The following ETHE1 variants were observed in gnomAD, a reference collection of about 807,000 sequenced individuals.
ETHE1 encodes the protein ETHE1 persulfide dioxygenase, also known as persulfide dioxygenase ETHE1, mitochondrial.
In ETHE1, 16 loss-of-function variants were observed where a neutral mutation model predicts 25.7. The observed-to-expected ratio is 0.62, with a 90% CI of 0.42 to 0.95. The LOEUF (loss-of-function observed/expected upper bound fraction) is 0.95. Among genes scored for constraint, ETHE1 ranks in the 40% least tolerant of loss-of-function variants. The pLI is 0.00. For synonymous variants in ETHE1, 139 were observed against 135.9 expected, an observed-to-expected ratio of 1.02 and a Z score of -0.16; for missense variants, 300 against 333.6, an observed-to-expected ratio of 0.90 and a Z score of 0.79.
intron 3 of ETHE1, among the ~76,000 whole-genome samples, chr19:43,522,140 A>G (rs1419177201): frequency 1.3e-5 from 2 of 152,170 alleles, no homozygotes; most frequent in African/African-American, 2.4e-5. Context: ...AGTAACATGT[A>G]AAAACTAGAT....
rs3810381 is a variant in ETHE1 at position 43,527,172 on chromosome 19, C to T, written c.6G>A (p.Ala2=). Residue 2 remains alanine (A), a synonymous_variant, in exon 1 of 7, where the codon GCG becomes GCA. Transcript: ENST00000292147. ...GCCGGGCGACCCTCAGTACAGCCTC[C>T]GCCATCGCGCCCACTGCGGGGTCAG... M[A]EAVLRVARRQ... 286,297 of 1,538,668 alleles carry T rather than the reference C, an allele frequency of 0.19. 27,647 individuals are homozygous for T. Among genetic ancestry groups the T allele is most frequent in the Non-Finnish European group, 0.2 (224,936 of 1,146,852 alleles).
chr19:43,520,735 A>G (rs1168693255), intron 3 of ETHE1, among the ~76,000 whole-genome samples: 1 of 151,854 alleles, frequency 6.6e-6, no homozygotes, highest in Non-Finnish European at 1.5e-5. Flanking sequence ...GCTTTTCTCT[A>G]TGCTTGAAAT....
intron 3 of ETHE1, among the ~76,000 whole-genome samples, chr19:43,512,362 G>A (rs990196689): frequency 3.3e-5 from 5 of 152,188 alleles, no homozygotes; most frequent in Non-Finnish European, 5.9e-5. Context: ...CCAATATGCC[G>A]AGAGTGATAT....
chr19:43,513,435 G>A (rs557106136), intron 3 of ETHE1, among the ~76,000 whole-genome samples: 6 of 152,184 alleles, frequency 3.9e-5, no homozygotes, highest in Non-Finnish European at 8.8e-5. Flanking sequence ...GGGCAGAGCT[G>A]CCCAAGACCA....
chr19:43,510,404 T>G (rs1371589724), intron 4 of ETHE1, among the ~76,000 whole-genome samples: 1 of 151,022 alleles, frequency 6.6e-6, no homozygotes, highest in African/African-American at 2.4e-5. Context: ...GGCGCAATCT[T>G]GGCTCACTGC....
intron 4 of ETHE1, among the ~76,000 whole-genome samples, chr19:43,510,702 G>T (rs539165903): frequency 7.3e-5 from 11 of 151,328 alleles, no homozygotes; most frequent in Non-Finnish European, 1.6e-4. Flanking sequence ...TGCCCAAGCT[G>T]GGCTCAAATA....
Position 43,516,877 on chromosome 19 carries a change from A to G in ETHE1, c.376-5311T>C, listed in dbSNP as rs181366557. On this transcript the variant is annotated intron_variant, in intron 3 of 6. Transcript: ENST00000292147. ...ACTCCTGGCATCAAGCAATCTGCCCACACTAGCCTCCCAAAGTGTTGGGAT... is the reference window on the plus strand; with the variant it reads ...ACTCCTGGCATCAAGCAATCTGCCCGCACTAGCCTCCCAAAGTGTTGGGAT... Among the ~76,000 whole-genome samples, 687 of 152,130 alleles carry G rather than the reference A, an allele frequency of 4.5e-3. 8 individuals carry two copies. Among genetic ancestry groups the G allele is most frequent in the African/African-American group, 0.015 (629 of 41,530 alleles).
At chr19:43,521,799 G>A (rs998325093) in intron 3 of ETHE1, among the ~76,000 whole-genome samples, 1 of 152,014 alleles carries the variant, frequency 6.6e-6, no homozygotes, top group African/African-American at 2.4e-5. Flanking sequence ...AACATTTGTC[G>A]ACTCAGTGAC....
chr19:43,508,069 CAAGGGAGGGGAAGGA>C lies in ETHE1; in HGVS notation c.596-24_596-10del. 1 of 1,613,468 alleles carries C rather than the reference CAAGGGAGGGGAAGGA, an allele frequency of 6.2e-7. No individual in the cohort carries two copies. Reference sequence around the variant, plus strand: ...GGTGGACACTGTGAACCCTAGGGGCCAAGGGAGGGGAAGGAAAGTCAAGGAGTCTAGTGCCTCAGG... The same window carrying C: ...GGTGGACACTGTGAACCCTAGGGGCCAAGTCAAGGAGTCTAGTGCCTCAGG... On this transcript the variant is annotated splice_polypyrimidine_tract_variant and intron_variant, in intron 5 of 6. Coordinates refer to ENST00000292147, the MANE Select transcript of ETHE1 (RefSeq NM_014297.5).
chr19:43,508,119 A>T (rs1210089058), intron 5 of ETHE1, 59 bp from the exon 6 acceptor site: 3 of 1,604,278 alleles, frequency 1.9e-6, no homozygotes, highest in East Asian at 4.5e-5. Flanking sequence ...GCCTCTCAGA[A>T]CTACATTCCC....
chr19:43,524,064 C>T (rs774135060), intron 3 of ETHE1, among the ~76,000 whole-genome samples: 5 of 151,586 alleles, frequency 3.3e-5, no homozygotes, highest in Admixed American at 1.3e-4. Flanking sequence ...GGAGAAACCC[C>T]GTCTCTACTA....
At chr19:43,507,031 C>A in intron 6 of ETHE1, 129 bp from the exon 7 acceptor site, 1 of 918,046 alleles carries the variant, frequency 1.1e-6, no homozygotes, top group Non-Finnish European at 1.7e-6. Context: ...CCCACTCCTT[C>A]CCTCAGACCC....
chr19:43,512,878 C>T (rs755467656), intron 3 of ETHE1, among the ~76,000 whole-genome samples: 2 of 152,186 alleles, frequency 1.3e-5, no homozygotes, highest in Non-Finnish European at 2.9e-5. Flanking sequence ...TTCACAGCAG[C>T]CTCTCCCAAC....
At chr19:43,518,550 TC>T (rs1972069037) in intron 3 of ETHE1, among the ~76,000 whole-genome samples, 1 of 150,874 alleles carries the variant, frequency 6.6e-6, no homozygotes, top group Admixed American at 6.6e-5. Flanking sequence ...ATCGAGACCA[TC>T]CTGGCTAACA....
intron 6 of ETHE1, chr19:43,507,679 C>T (rs1394136777): frequency 3.8e-5 from 20 of 523,408 alleles, no homozygotes; most frequent in African/African-American, 3.1e-4. Context: ...CAGCCCAGCC[C>T]CTACTCCCTC....
At chr19:43,518,675 C>T (rs1352270535) in intron 3 of ETHE1, among the ~76,000 whole-genome samples, 2 of 148,038 alleles carry the variant, frequency 1.4e-5, no homozygotes, top group Non-Finnish European at 3.0e-5. Context: ...GGCATGAACC[C>T]GGGAGGCGGA....
intron 4 of ETHE1, among the ~76,000 whole-genome samples, chr19:43,510,756 A>C (rs1971898221): frequency 1.3e-5 from 2 of 151,966 alleles, no homozygotes. Flanking sequence ...CCAACAGCTA[A>C]GCCCCTGAAT....
intron 3 of ETHE1, among the ~76,000 whole-genome samples, chr19:43,518,005 G>T (rs1321515652): frequency 1.4e-5 from 2 of 143,738 alleles, no homozygotes; most frequent in East Asian, 4.0e-4. Context: ...GACAGAGCGA[G>T]ACTGTCTCAA....
intron 3 of ETHE1, chr19:43,525,692 A>G (rs1023580980): frequency 5.6e-6 from 1 of 179,900 alleles, no homozygotes; most frequent in Non-Finnish European, 1.2e-5. Context: ...GGAGGCGCTC[A>G]CTCACAGGTG....
Sources: allele counts gnomAD v4.1 joint callset (sites outside exome capture counted in the v4.1 genomes callset), GRCh38; gene constraint gnomAD v4.1.1; transcripts MANE v1.5; gene names NCBI Gene and HGNC (gene_info 2026-07-23, HGNC 2026-07-21).